The following EPS15 variants were observed in gnomAD, a reference collection of about 807,000 sequenced individuals.
The protein encoded by EPS15 is epidermal growth factor receptor substrate 15.
In EPS15, 72 loss-of-function variants were observed where a neutral mutation model predicts 113.8. That is an observed-to-expected ratio of 0.63 (90% confidence interval 0.52 to 0.77). EPS15 has a LOEUF of 0.77. Ranked by LOEUF, EPS15 falls within the 30% of genes least tolerant of loss-of-function variation. The pLI is 0.00. For synonymous variants in EPS15, 344 were observed against 363.4 expected (o/e 0.95, Z 0.61); for missense variants, 1,048 against 1,045.8 (o/e 1.00, Z -0.03).
chr1:51,491,705 G>A (rs1644236022), intron 1 of EPS15, among the ~76,000 whole-genome samples: 1 of 152,060 alleles, frequency 6.6e-6, no homozygotes, highest in African/African-American at 2.4e-5. Flanking sequence ...TGGAGGGCGT[G>A]GTGGGGCAGA....
intron 1 of EPS15, among the ~76,000 whole-genome samples, 169 bp from the exon 2 acceptor site, chr1:51,481,483 TAAAG>T (rs1361126546): frequency 6.6e-6 from 1 of 152,158 alleles, no homozygotes; most frequent in Admixed American, 6.5e-5. Flanking sequence ...AGAGAATAGA[TAAAG>T]ATAGTCACAT....
chr1:51,446,781 G>T (rs1653093331), intron 10 of EPS15, among the ~76,000 whole-genome samples, 179 bp downstream of exon 10: 1 of 152,074 alleles, frequency 6.6e-6, no homozygotes, highest in Admixed American at 6.6e-5. Context: ...TAAAGCTTCA[G>T]GTAACCCATT....
At chr1:51,431,487 C>T (rs1651733624) in intron 12 of EPS15, among the ~76,000 whole-genome samples, 1 of 151,702 alleles carries the variant, frequency 6.6e-6, no homozygotes, top group Admixed American at 6.6e-5. Context: ...ACTCTGTCAC[C>T]CAGGCGAGAA....
intron 1 of EPS15, among the ~76,000 whole-genome samples, chr1:51,516,651 T>C (rs1644723440): frequency 6.6e-6 from 1 of 152,222 alleles, no homozygotes; most frequent in African/African-American, 2.4e-5. Context: ...CAAACTCAGT[T>C]TTGCTTAATT....
intron 1 of EPS15, among the ~76,000 whole-genome samples, chr1:51,509,897 T>C (rs1464104162): frequency 1.3e-5 from 2 of 152,220 alleles, no homozygotes; most frequent in South Asian, 2.1e-4. Flanking sequence ...CAGAGCCATT[T>C]TGCCCTTAAA....
chr1:51,381,997 T>C, intron 21 of EPS15, among the ~76,000 whole-genome samples: 1 of 151,200 alleles, frequency 6.6e-6, no homozygotes, highest in East Asian at 1.9e-4. Flanking sequence ...ATAGAGAAAA[T>C]CAATAGAACC....
At chr1:51,516,068 T>C (rs1644710887) in intron 1 of EPS15, among the ~76,000 whole-genome samples, 1 of 152,102 alleles carries the variant, frequency 6.6e-6, no homozygotes, top group South Asian at 2.1e-4. Flanking sequence ...AATCAAGATC[T>C]TTCTCCCTCA....
At chr1:51,481,429 G>C in intron 1 of EPS15, 115 bp from the exon 2 acceptor site, 2 of 636,652 alleles carry the variant, frequency 3.1e-6, no homozygotes, top group Non-Finnish European at 2.8e-6. Flanking sequence ...AAATATCCTT[G>C]ATTTCAGGGG....
In EPS15 at chr1:51,431,492, C is replaced by T. The variant is rs1023632915; in HGVS notation, c.1040+8855G>A. On this transcript the variant is annotated intron_variant, in intron 12 of 24. Transcript: ENST00000371733. ...ACAGAGTCTCACTCTGTCACCCAGGCGAGAATGCAGTGGGGCAATCTTGGC... is the reference window on the plus strand; with the variant it reads ...ACAGAGTCTCACTCTGTCACCCAGGTGAGAATGCAGTGGGGCAATCTTGGC... 1.4e-4 allele frequency among the ~76,000 whole-genome samples: 21 copies of T among 151,692 alleles called. 1 individual carries two copies. The highest frequency in any genetic ancestry group is 3.4e-3 in the Middle Eastern group (1 of 294).
intron 21 of EPS15, among the ~76,000 whole-genome samples, chr1:51,375,617 A>C (rs1186213260): frequency 1.3e-5 from 2 of 152,200 alleles, no homozygotes; most frequent in African/African-American, 4.8e-5. Flanking sequence ...TAATTAAATA[A>C]ATACATTAAA....
chr1:51,447,717 C>T (rs1004484394), intron 9 of EPS15, among the ~76,000 whole-genome samples: 2 of 152,122 alleles, frequency 1.3e-5, no homozygotes, highest in Non-Finnish European at 2.9e-5. Context: ...ACTTTAATTC[C>T]AGGGAGATCA....
intron 11 of EPS15, among the ~76,000 whole-genome samples, chr1:51,443,633 T>TTTTC (rs36193708): frequency 1.3e-5 from 2 of 150,462 alleles, no homozygotes; most frequent in African/African-American, 4.9e-5. Context: ...AAAAATCCAA[T>TTTTC]TTTCTTTCTT....
chr1:51,512,403 C>T (rs1316969486), intron 1 of EPS15, among the ~76,000 whole-genome samples: 2 of 152,048 alleles, frequency 1.3e-5, no homozygotes, highest in East Asian at 3.8e-4. Context: ...GTTTAAAAAT[C>T]TAGATTTTGC....
Position 51,355,487 on chromosome 1 carries a change from T to C in EPS15, c.*1213A>G, listed in dbSNP as rs1646198874. 5.1e-6 allele frequency: 1 copy of C among 194,348 alleles called. No homozygotes were observed. Among genetic ancestry groups the C allele is most frequent in the Non-Finnish European group, 1.1e-5 (1 of 93,340 alleles). 12.0% of individuals were successfully genotyped at this position (194,348 alleles called of 1,614,324 possible). ...TCCACTAGGTCAGTTTTACAGGAGA[T>C]GGTCTTTTAACATGAAGAGGTCTGA... On this transcript the variant is annotated 3_prime_UTR_variant, in exon 25 of 25. Transcript: ENST00000371733.
At chr1:51,386,406 T>G (rs544550145) in intron 21 of EPS15, among the ~76,000 whole-genome samples, 8 of 152,322 alleles carry the variant, frequency 5.3e-5, no homozygotes, top group African/African-American at 1.9e-4. Context: ...CTGAATAAGC[T>G]TCACTGAGAA....
intron 11 of EPS15, among the ~76,000 whole-genome samples, chr1:51,444,330 C>T (rs1369682452): frequency 6.6e-6 from 1 of 152,036 alleles, no homozygotes. Flanking sequence ...GTCCAGAAAC[C>T]AAAACTAGGT....
At chr1:51,363,807 T>C in intron 23 of EPS15, 59 bp downstream of exon 23, 11 of 1,507,920 alleles carry the variant, frequency 7.3e-6, no homozygotes, top group South Asian at 1.3e-5. Context: ...TTCCGCACAA[T>C]ACTTTTCAGA....
intron 14 of EPS15, among the ~76,000 whole-genome samples, chr1:51,409,322 T>C (rs1649462877): frequency 6.6e-6 from 1 of 152,084 alleles, no homozygotes; most frequent in Non-Finnish European, 1.5e-5. Context: ...CAACAAAAAT[T>C]TGGAAAAACA....
chr1:51,498,120 T>C (rs1265977906), intron 1 of EPS15, among the ~76,000 whole-genome samples: 1 of 152,170 alleles, frequency 6.6e-6, no homozygotes, highest in Non-Finnish European at 1.5e-5. Context: ...TTCTCTATAT[T>C]TGGATTTTAT....
Sources: allele counts gnomAD v4.1 joint callset (sites outside exome capture counted in the v4.1 genomes callset), GRCh38; gene constraint gnomAD v4.1.1; transcripts MANE v1.5; gene names NCBI Gene and HGNC (gene_info 2026-07-23, HGNC 2026-07-21).